The following PURB variants were observed in gnomAD, a reference collection of about 807,000 sequenced individuals.
PURB encodes purine rich element binding protein B.
A neutral mutation model predicts 21.1 loss-of-function variants in PURB; 11 were observed. The ratio of observed to expected loss-of-function variants is 0.52; its 90% CI spans 0.33 to 0.86. The LOEUF is 0.86. Ranked by LOEUF, PURB falls within the 40% of genes least tolerant of loss-of-function variation. The pLI, the probability that PURB is intolerant of heterozygous loss-of-function variation, is 0.02. For synonymous variants in PURB, 246 were observed against 210.8 expected (o/e 1.17, Z -1.45); for missense variants, 357 against 456.5 (o/e 0.78, Z 1.99).
rs1385984388 is a variant in PURB at position 44,878,628 on chromosome 7, C to T, written c.*5782G>A. ...ATGACTGTGAATAGAGGTGATTACACTGATGGCATATTCCCTATTTCTTTA... is the reference window on the plus strand; with the variant it reads ...ATGACTGTGAATAGAGGTGATTACATTGATGGCATATTCCCTATTTCTTTA... On this transcript the variant is annotated 3_prime_UTR_variant, in exon 1 of 1. Transcript: ENST00000395699. The T allele has an allele frequency of 6.6e-6, 1 of 152,626 alleles. No homozygotes were observed. The highest frequency in any genetic ancestry group is 1.5e-5 in the Non-Finnish European group (1 of 68,050). 9.5% of individuals were successfully genotyped at this position (152,626 alleles called of 1,614,324 possible). A position where few individuals can be genotyped will look rare whatever the true frequency, so the allele number is the denominator to read the frequency against.
rs1174950758 is a variant in PURB at position 44,883,837 on chromosome 7, T to TCCCAAGTTGCATTTC, written c.*558_*572dup. 1 of 152,882 alleles carries TCCCAAGTTGCATTTC rather than the reference T, an allele frequency of 6.5e-6. No individual in the cohort carries two copies. The highest frequency in any genetic ancestry group is 2.4e-5 in the African/African-American group (1 of 41,476). The allele number at this position is 152,882 out of a possible 1,614,324, so 9.5% of individuals were successfully genotyped here. On this transcript the variant is annotated 3_prime_UTR_variant, in exon 1 of 1. Coordinates refer to ENST00000395699, the MANE Select transcript of PURB (RefSeq NM_033224.5). ...CTTATCTTTAACCTGTTCATGATTATCCCAAGTTGCATTTCTTTTCGTGAA... is the reference window on the plus strand; with the variant it reads ...CTTATCTTTAACCTGTTCATGATTATCCCAAGTTGCATTTCCCCAAGTTGCATTTCTTTTCGTGAA...
At position 44,879,441 on chromosome 7, in the gene PURB, C is replaced by A. The variant is rs1164040888; in HGVS notation, c.*4969G>T. On this transcript the variant is annotated 3_prime_UTR_variant, in exon 1 of 1. Coordinates refer to ENST00000395699, the MANE Select transcript of PURB (RefSeq NM_033224.5). ...TTTTTTCTTTTCTACAAACTATCTC[C>A]CGCCCTCCCCAGCCCCACCCACACA... The A allele has an allele frequency of 1.3e-5, 2 of 151,028 alleles. No homozygotes were observed. Among genetic ancestry groups the A allele is most frequent in the East Asian group, 3.9e-4 (2 of 5,148 alleles). 9.4% of individuals were successfully genotyped at this position (151,028 alleles called of 1,614,324 possible).
rs902847701 is a variant in PURB, at chr7:44,876,999, CA to C, written c.*7410del. 1 of 152,510 alleles carries C rather than the reference CA, an allele frequency of 6.6e-6. No individual in the cohort carries two copies. Among genetic ancestry groups the C allele is most frequent in the African/African-American group, 2.4e-5 (1 of 41,432 alleles). The allele number at this position is 152,510 out of a possible 1,614,324, so 9.4% of individuals were successfully genotyped here. Reference sequence around the variant, plus strand: ...TTTACACAGAGATTGAAGACATCCCCAAAAAACACATTTTAAAGTAATTTCC... The same window carrying C: ...TTTACACAGAGATTGAAGACATCCCCAAAAACACATTTTAAAGTAATTTCC... On this transcript the variant is annotated 3_prime_UTR_variant, in exon 1 of 1. Coordinates refer to ENST00000395699, the MANE Select transcript of PURB (RefSeq NM_033224.5).
chr7:44,885,117 C>T lies in PURB; in HGVS notation c.232G>A (p.Ala78Thr). ...GAGTCGCGGAACTCGGCGGCCACCG[C>T]CATGGACAGCGTGAGGCGGCTCTTG... is the stretch of plus-strand genomic sequence containing the variant. Reference protein sequence around the residue: ...GSKSRLTLSMAVAAEFRDSLG... With the variant: ...GSKSRLTLSMTVAAEFRDSLG... The change falls in exon 1 of 1, where the codon GCG (alanine) becomes ACG (threonine). Residue 78 changes from alanine to threonine, a missense_variant. By Grantham distance (58) the Ala-to-Thr change is moderately conservative. Transcript: ENST00000395699. 8 of 1,577,112 alleles carry T rather than the reference C, an allele frequency of 5.1e-6. No individual in the cohort carries two copies. Among genetic ancestry groups the T allele is most frequent in the Non-Finnish European group, 6.9e-6 (8 of 1,166,782 alleles).
rs1191444814 is a variant in PURB at position 44,879,618 on chromosome 7, T to G, written c.*4792A>C. 12 of 152,602 alleles carry G rather than the reference T, an allele frequency of 7.9e-5. No homozygotes were observed. The highest frequency in any genetic ancestry group is 5.2e-4 in the Admixed American group (8 of 15,268). 9.5% of individuals were successfully genotyped at this position (152,602 alleles called of 1,614,324 possible). The stretch of plus-strand genomic sequence containing the variant: ...GTTGACAGGAAAGAAAAAGTTACCT[T>G]AAGGCTCAAGGGAAAGTAACTTATT... On this transcript the variant is annotated 3_prime_UTR_variant, in exon 1 of 1. Coordinates refer to ENST00000395699, the MANE Select transcript of PURB (RefSeq NM_033224.5).
At position 44,885,099 on chromosome 7, in the gene PURB, G is replaced by A; in HGVS notation, c.250C>T (p.Arg84Cys). Residue 84 changes from arginine (R) to cysteine (C), a missense_variant, in exon 1 of 1, where the codon CGC (arginine) becomes TGC (cysteine). Coordinates refer to ENST00000395699, the MANE Select transcript of PURB (RefSeq NM_033224.5). Reference sequence around the variant, plus strand: ...TCTATGAAGTCGCCCAGCGAGTCGCGGAACTCGGCGGCCACCGCCATGGAC... The same window carrying A: ...TCTATGAAGTCGCCCAGCGAGTCGCAGAACTCGGCGGCCACCGCCATGGAC... ...TLSMAVAAEF[R>C]DSLGDFIEHY... 1 of 1,574,220 alleles carries A rather than the reference G, an allele frequency of 6.4e-7. No individual in the cohort carries two copies. Among genetic ancestry groups the A allele is most frequent in the Non-Finnish European group, 8.6e-7 (1 of 1,165,380 alleles).
At position 44,884,236 on chromosome 7, in the gene PURB, T is replaced by C; in HGVS notation, c.*174A>G. The C allele has an allele frequency of 7.2e-7, 1 of 1,383,176 alleles. No homozygotes were observed. The allele number at this position is 1,383,176 out of a possible 1,614,324, so 85.7% of individuals were successfully genotyped here. On this transcript the variant is annotated 3_prime_UTR_variant, in exon 1 of 1. Coordinates refer to ENST00000395699, the MANE Select transcript of PURB (RefSeq NM_033224.5). Reference sequence around the variant, plus strand: ...TGGAACTTGACTGCTTTTCTCAAGTTGTCCGTCACTGTTCTCTTACGATTA... The same window carrying C: ...TGGAACTTGACTGCTTTTCTCAAGTCGTCCGTCACTGTTCTCTTACGATTA...
chr7:44,876,670 T>C lies in PURB; in HGVS notation c.*7740A>G, dbSNP rs1793807169. The stretch of plus-strand genomic sequence containing the variant: ...GAATGGGTACTGCACTTCACAGATT[T>C]GTTTGAATTGCCCATGCAGCTCTAT... On this transcript the variant is annotated 3_prime_UTR_variant, in exon 1 of 1. Coordinates refer to ENST00000395699, the MANE Select transcript of PURB (RefSeq NM_033224.5). The C allele has an allele frequency of 6.5e-6, 1 of 152,690 alleles. No individual in the cohort carries two copies. The highest frequency in any genetic ancestry group is 2.4e-5 in the African/African-American group (1 of 41,472). 9.5% of individuals were successfully genotyped at this position (152,690 alleles called of 1,614,324 possible).
rs1344982429 is a variant in PURB at position 44,885,512 on chromosome 7, G to A, written c.-164C>T. The A allele has an allele frequency of 8.0e-5, 13 of 162,524 alleles. No homozygotes were observed. The South Asian group carries it at 2.3e-3, about 29-fold the overall frequency. 10.1% of individuals were successfully genotyped at this position (162,524 alleles called of 1,614,324 possible). Reference sequence around the variant, plus strand: ...CCCATCGCCTCCGCGCCCCGCCCCCGCGACTTCCGTGCAGCCCTAGCCACT... The same window carrying A: ...CCCATCGCCTCCGCGCCCCGCCCCCACGACTTCCGTGCAGCCCTAGCCACT... On this transcript the variant is annotated 5_prime_UTR_variant, in exon 1 of 1. Coordinates refer to ENST00000395699, the MANE Select transcript of PURB (RefSeq NM_033224.5).
chr7:44,877,244 G>T lies in PURB; in HGVS notation c.*7166C>A, dbSNP rs896459865. 3 of 152,264 alleles carry T rather than the reference G, an allele frequency of 2.0e-5. No individual in the cohort carries two copies. Among genetic ancestry groups the T allele is most frequent in the Non-Finnish European group, 4.4e-5 (3 of 68,008 alleles). 9.4% of individuals were successfully genotyped at this position (152,264 alleles called of 1,614,324 possible). On this transcript the variant is annotated 3_prime_UTR_variant, in exon 1 of 1. Transcript: ENST00000395699. ...TGTTATCTGGAAACAGAAGACAAAT[G>T]AATTTTAAAAATGATCTTGGAAAAA...
At position 44,881,286 on chromosome 7, in the gene PURB, T is replaced by C. The variant is rs1190027744; in HGVS notation, c.*3124A>G. ...AACAACTGAAAAACAAAAAAATTGG[T>C]TGTTTCCCATGTCTGTACAATGCCA... On this transcript the variant is annotated 3_prime_UTR_variant, in exon 1 of 1. Coordinates refer to ENST00000395699, the MANE Select transcript of PURB (RefSeq NM_033224.5). 1 of 152,196 alleles carries C rather than the reference T, an allele frequency of 6.6e-6. No homozygotes were observed. The highest frequency in any genetic ancestry group is 2.4e-5 in the African/African-American group (1 of 41,444). The allele number at this position is 152,196 out of a possible 1,614,324, so 9.4% of individuals were successfully genotyped here. A position where few individuals can be genotyped will look rare whatever the true frequency, so the allele number is the denominator to read the frequency against.
rs961273003 is a variant in PURB at position 44,881,465 on chromosome 7, C to A, written c.*2945G>T. ...TTAATCCACAGCCTTCTGCAATCTT[C>A]CTGCAGTGGGAAGAGAGGCCATGAA... On this transcript the variant is annotated 3_prime_UTR_variant, in exon 1 of 1. Transcript: ENST00000395699. 1 of 152,552 alleles carries A rather than the reference C, an allele frequency of 6.6e-6. No homozygotes were observed. The highest frequency in any genetic ancestry group is 2.4e-5 in the African/African-American group (1 of 41,426). 9.4% of individuals were successfully genotyped at this position (152,552 alleles called of 1,614,324 possible). A position where few individuals can be genotyped will look rare whatever the true frequency, so the allele number is the denominator to read the frequency against.
At position 44,880,345 on chromosome 7, in the gene PURB, G is replaced by A. The variant is rs1194438683; in HGVS notation, c.*4065C>T. 6.6e-6 allele frequency: 1 copy of A among 152,620 alleles called. No individual in the cohort carries two copies. The highest frequency in any genetic ancestry group is 2.4e-5 in the African/African-American group (1 of 41,438). 9.5% of individuals were successfully genotyped at this position (152,620 alleles called of 1,614,324 possible). The stretch of plus-strand genomic sequence containing the variant: ...ATTTTCAAATGAATATCTACTGAGA[G>A]ATCAGTTGTGCATTGGATAAAGTAC... On this transcript the variant is annotated 3_prime_UTR_variant, in exon 1 of 1. Transcript: ENST00000395699.
Position 44,878,103 on chromosome 7 carries a change from C to T in PURB, c.*6307G>A, listed in dbSNP as rs1182983763. The T allele has an allele frequency of 2.6e-5, 4 of 151,924 alleles. No individual in the cohort carries two copies. Among genetic ancestry groups the T allele is most frequent in the Non-Finnish European group, 4.4e-5 (3 of 68,010 alleles). 9.4% of individuals were successfully genotyped at this position (151,924 alleles called of 1,614,324 possible). ...TGCAACTCAGAGTTAAGACTGGGGA[C>T]GAAATATTTGGCTTTAAGAAATAAG... is the stretch of plus-strand genomic sequence containing the variant. On this transcript the variant is annotated 3_prime_UTR_variant, in exon 1 of 1. Coordinates refer to ENST00000395699, the MANE Select transcript of PURB (RefSeq NM_033224.5).
rs992639691 is a variant in PURB, at chr7:44,876,986, T to C, written c.*7424A>G. On this transcript the variant is annotated 3_prime_UTR_variant, in exon 1 of 1. Coordinates refer to ENST00000395699, the MANE Select transcript of PURB (RefSeq NM_033224.5). ...AAGCATGTGGGTATTTACACAGAGATTGAAGACATCCCCAAAAAACACATT... is the reference window on the plus strand; with the variant it reads ...AAGCATGTGGGTATTTACACAGAGACTGAAGACATCCCCAAAAAACACATT... 3.9e-5 allele frequency: 6 copies of C among 152,588 alleles called. No homozygotes were observed. Among genetic ancestry groups the C allele is most frequent in the African/African-American group, 1.4e-4 (6 of 41,452 alleles). The allele number at this position is 152,588 out of a possible 1,614,324, so 9.5% of individuals were successfully genotyped here.
At position 44,879,776 on chromosome 7, in the gene PURB, AT is replaced by A. The variant is rs1320740388; in HGVS notation, c.*4633del. On this transcript the variant is annotated 3_prime_UTR_variant, in exon 1 of 1. Coordinates refer to ENST00000395699, the MANE Select transcript of PURB (RefSeq NM_033224.5). ...CTTACACAGAGTTAGAACAATATTC[AT>A]AAGCAATTATCTAAGGGAGCCTGAG... 1 of 152,676 alleles carries A rather than the reference AT, an allele frequency of 6.5e-6. No homozygotes were observed. The highest frequency in any genetic ancestry group is 1.5e-5 in the Non-Finnish European group (1 of 68,044). The allele number at this position is 152,676 out of a possible 1,614,324, so 9.5% of individuals were successfully genotyped here.
rs1003684467 is a variant in PURB, at chr7:44,879,031, A to C, written c.*5379T>G. ...AGTTATAATCTGCCATTTCCACCTTACATTTGGAATTTATTTATTTATTTT... is the reference window on the plus strand; with the variant it reads ...AGTTATAATCTGCCATTTCCACCTTCCATTTGGAATTTATTTATTTATTTT... On this transcript the variant is annotated 3_prime_UTR_variant, in exon 1 of 1. Transcript: ENST00000395699. The C allele has an allele frequency of 6.6e-6, 1 of 152,158 alleles. No homozygotes were observed. Among genetic ancestry groups the C allele is most frequent in the African/African-American group, 2.4e-5 (1 of 41,446 alleles). 9.4% of individuals were successfully genotyped at this position (152,158 alleles called of 1,614,324 possible).
Position 44,879,359 on chromosome 7 carries a change from ATACTT to A in PURB, c.*5046_*5050del, listed in dbSNP as rs1244281041. ...GAATCTCAAATGGAGCATATGACAC[ATACTT>A]TATTCTTTTTTGTCTGTATTTTCTT... On this transcript the variant is annotated 3_prime_UTR_variant, in exon 1 of 1. Transcript: ENST00000395699. 6.6e-6 allele frequency: 1 copy of A among 150,956 alleles called. No individual in the cohort carries two copies. The highest frequency in any genetic ancestry group is 2.4e-5 in the African/African-American group (1 of 41,050). 9.4% of individuals were successfully genotyped at this position (150,956 alleles called of 1,614,324 possible).
rs557261116 is a variant in PURB, at chr7:44,883,543, T to G, written c.*867A>C. The G allele has an allele frequency of 6.5e-6, 1 of 152,752 alleles. No individual in the cohort carries two copies. The highest frequency in any genetic ancestry group is 2.1e-4 in the South Asian group (1 of 4,828). 9.5% of individuals were successfully genotyped at this position (152,752 alleles called of 1,614,324 possible). On this transcript the variant is annotated 3_prime_UTR_variant, in exon 1 of 1. Transcript: ENST00000395699. ...CAGCAACCAATCCACTCAAACAGTC[T>G]GCCTTGTGCTTTATGCCTGACTTTT...
Sources: gnomAD v4.1 joint callset for allele counts on GRCh38, gnomAD v4.1.1 for gene constraint, MANE v1.5 for transcripts, NCBI Gene and HGNC (gene_info 2026-07-23, HGNC 2026-07-21) for gene names.